The following NOTCH2 variants were observed in gnomAD, a reference collection of about 807,000 sequenced individuals.
NOTCH2 encodes the protein neurogenic locus notch homolog protein 2.
NOTCH2 carries 29 observed loss-of-function variants against 235.8 expected under a neutral mutation model. That is an observed-to-expected ratio of 0.12 (90% CI 0.09 to 0.17). The LOEUF is 0.17. Ranked by LOEUF, NOTCH2 falls within the 10% of genes least tolerant of loss-of-function variation. NOTCH2 has a pLI of 1.00. For missense variants in NOTCH2, 2,285 were observed against 3,150.2 expected, an observed-to-expected ratio of 0.73 and a Z score of 6.57; for synonymous variants, 1,086 against 1,141.5, an observed-to-expected ratio of 0.95 and a Z score of 0.98.
At chr1:120,063,385 G>A (rs1260413737) in intron 1 of NOTCH2, among the ~76,000 whole-genome samples, 4 of 151,234 alleles carry the variant, frequency 2.6e-5, no homozygotes, top group Non-Finnish European at 4.4e-5. Flanking sequence ...CATTTGCAAC[G>A]GCTGAGGACA....
At position 119,919,459 on chromosome 1, in the gene NOTCH2, C is replaced by T. The variant is rs1557803720; in HGVS notation, c.5634G>A (p.Glu1878=). 1.9e-6 allele frequency: 3 copies of T among 1,613,844 alleles called. No homozygotes were observed. Among genetic ancestry groups the T allele is most frequent in the Non-Finnish European group, 2.5e-6 (3 of 1,180,040 alleles). ...AGCGGGCTGCAAGGTGCAGGGCCAT[C>T]TCACCAGTCCGGTCTGTCTGGGCCT... The part of the protein sequence containing the change: ...SLQAQTDRTG[E]MALHLAARYS... The change falls in exon 31 of 34, where the codon GAG becomes GAA. Residue 1878 remains glutamate (E), a synonymous_variant. Transcript: ENST00000256646.
At chr1:120,023,424 G>A (rs1357986647) in intron 2 of NOTCH2, among the ~76,000 whole-genome samples, 7 of 147,596 alleles carry the variant, frequency 4.7e-5, no homozygotes, top group Non-Finnish European at 8.9e-5. Context: ...GCCACAGAGC[G>A]AGACTCTGTC....
At position 119,918,811 on chromosome 1, in the gene NOTCH2, G is replaced by T. The variant is rs888844996; in HGVS notation, c.5782-258C>A. Among the ~76,000 whole-genome samples the T allele has an allele frequency of 2.6e-5, 4 of 152,218 alleles. No individual in the cohort carries two copies. The East Asian group carries it at 5.8e-4, about 22-fold the overall frequency. On this transcript the variant is annotated intron_variant, in intron 31 of 33. Coordinates refer to ENST00000256646, the MANE Select transcript of NOTCH2 (RefSeq NM_024408.4). ...TTCTACTTTCTCAGGAAAGAAGAGG[G>T]ATGTGGGGAAATATCACAACTTCAG...
At chr1:119,941,062 C>G (rs1415908529) in intron 18 of NOTCH2, among the ~76,000 whole-genome samples, 1 of 152,170 alleles carries the variant, frequency 6.6e-6, no homozygotes, top group Non-Finnish European at 1.5e-5. Flanking sequence ...CATTTTATCT[C>G]TAAGTCAATT....
At chr1:119,958,355 T>C (rs1454016390) in intron 12 of NOTCH2, among the ~76,000 whole-genome samples, 6 of 152,196 alleles carry the variant, frequency 3.9e-5, no homozygotes, top group African/African-American at 1.4e-4. Flanking sequence ...TCATACCAAA[T>C]AGGAGAAATT....
intron 21 of NOTCH2, among the ~76,000 whole-genome samples, chr1:119,936,254 G>A (rs183157518): frequency 1.3e-5 from 2 of 152,288 alleles, no homozygotes; most frequent in Non-Finnish European, 2.9e-5. Flanking sequence ...AGGTGAGTAA[G>A]GGGAAGACAG....
At position 119,916,589 on chromosome 1, in the gene NOTCH2, G is replaced by C. The variant is rs2101145008; in HGVS notation, c.6133C>G (p.Leu2045Val). 6.2e-7 allele frequency: 1 copy of C among 1,614,186 alleles called. No homozygotes were observed. Among genetic ancestry groups the C allele is most frequent in the Non-Finnish European group, 8.5e-7 (1 of 1,180,044 alleles). ...CGATCCCGAGCCACATCCCGGGGAA[G>C]ACGATCCATATGGTCTGTGATGTCT... Reference protein sequence around the residue: ...NRDITDHMDRLPRDVARDRMH... With the variant: ...NRDITDHMDRVPRDVARDRMH... The change falls in exon 34 of 34, where the codon CTT becomes GTT. Residue 2045 changes from leucine (L) to valine (V), a missense_variant. Physicochemically the swap from Leu to Val is conservative, Grantham distance 32. This residue lies in a region of NOTCH2 where 128 missense variants were observed against 255.9 expected (regional missense o/e 0.50). Coordinates refer to ENST00000256646, the MANE Select transcript of NOTCH2 (RefSeq NM_024408.4).
At position 119,916,610 on chromosome 1, in the gene NOTCH2, T is replaced by C; in HGVS notation, c.6112A>G (p.Ile2038Val). The part of the protein sequence containing the change: ...ILLDHFANRD[I>V]TDHMDRLPRD... ...GGAAGACGATCCATATGGTCTGTGA[T>C]GTCTCGATTGGCAAAATGGTCTAAC... The change falls in exon 34 of 34, where the codon ATC becomes GTC. Residue 2038 changes from isoleucine to valine, a missense_variant. Coordinates refer to ENST00000256646, the MANE Select transcript of NOTCH2 (RefSeq NM_024408.4). 3.7e-6 allele frequency: 6 copies of C among 1,614,206 alleles called. No individual in the cohort carries two copies. Among genetic ancestry groups the C allele is most frequent in the Non-Finnish European group, 5.1e-6 (6 of 1,180,034 alleles).
intron 33 of NOTCH2, 38 bp downstream of exon 33, chr1:119,917,627 C>T (rs994953225): frequency 1.5e-6 from 2 of 1,310,120 alleles, no homozygotes; most frequent in African/African-American, 2.9e-5. Context: ...TGAGGCACTG[C>T]TATGAGCCTC....
At chr1:120,027,817 T>C (rs1553210229) in intron 2 of NOTCH2, among the ~76,000 whole-genome samples, 1 of 148,848 alleles carries the variant, frequency 6.7e-6, no homozygotes, top group Non-Finnish European at 1.5e-5. Flanking sequence ...CATTCTTTTT[T>C]ATGGCTGTAT....
intron 25 of NOTCH2, 50 bp from the exon 26 acceptor site, chr1:119,924,034 A>C (rs1649378231): frequency 2.0e-6 from 3 of 1,466,002 alleles, no homozygotes; most frequent in Non-Finnish European, 2.8e-6. Flanking sequence ...ATTAGACTGG[A>C]GCTCTATTTG....
In NOTCH2 at chr1:119,967,936, T is replaced by C. The variant is rs1390907525; in HGVS notation, c.1264+141A>G. 10 of 925,846 alleles carry C rather than the reference T, an allele frequency of 1.1e-5. No individual in the cohort carries two copies. In the African/African-American group the frequency reaches 1.1e-4, roughly 11 times the overall value. 57.4% of individuals were successfully genotyped at this position (925,846 alleles called of 1,614,324 possible). On this transcript the variant is annotated intron_variant, in intron 7 of 33. Coordinates refer to ENST00000256646, the MANE Select transcript of NOTCH2 (RefSeq NM_024408.4). ...GGTTATGGCTATGCTGAAAGGTCAC[T>C]TGTAAACACTGGCCATGTAGCAAGA...
rs1019844241 is a variant in NOTCH2, at chr1:119,937,562, C to T, written c.3338-96G>A. 2.2e-5 allele frequency: 26 copies of T among 1,170,454 alleles called. No homozygotes were observed. In the East Asian group the frequency reaches 5.6e-4, roughly 25 times the overall value. 72.5% of individuals were successfully genotyped at this position (1,170,454 alleles called of 1,614,324 possible). ...GCAAGTAAATCTAAACTGGCTGACA[C>T]ATCCAATCTTATTCTTAGCCAGTTC... On this transcript the variant is annotated intron_variant, in intron 20 of 33. Coordinates refer to ENST00000256646, the MANE Select transcript of NOTCH2 (RefSeq NM_024408.4).
At chr1:120,028,617 A>G (rs868924572) in intron 2 of NOTCH2, among the ~76,000 whole-genome samples, 1,726 of 140,796 alleles carry the variant, frequency 0.012, 19 homozygotes, top group African/African-American at 0.032. Context: ...ACTTGAAAAA[A>G]AAAATCTTGT....
chr1:119,945,358 T>C (rs1019603509), intron 17 of NOTCH2, among the ~76,000 whole-genome samples: 1 of 152,060 alleles, frequency 6.6e-6, no homozygotes, highest in South Asian at 2.1e-4. Context: ...AACAGCAAGA[T>C]GGCATATTTT....
chr1:119,941,481 C>G (rs782499865), intron 18 of NOTCH2, 45 bp downstream of exon 18: 3 of 1,392,814 alleles, frequency 2.2e-6, no homozygotes, highest in Non-Finnish European at 3.1e-6. Context: ...TCCCTTTCTC[C>G]CTTTCTCTCG....
At chr1:119,968,467 CCAGGA>C (rs1553199982) in intron 6 of NOTCH2, among the ~76,000 whole-genome samples, 1 of 152,132 alleles carries the variant, frequency 6.6e-6, no homozygotes, top group Non-Finnish European at 1.5e-5. Flanking sequence ...GACCTCTCCT[CCAGGA>C]CAGAGACATC....
intron 23 of NOTCH2, among the ~76,000 whole-genome samples, chr1:119,928,524 G>T (rs754458173): frequency 2.2e-4 from 34 of 152,090 alleles, no homozygotes; most frequent in Non-Finnish European, 4.9e-4. Flanking sequence ...AAAACAAAAT[G>T]TTATTTTGTT....
At chr1:119,965,071 T>C (rs1651085226) in intron 10 of NOTCH2, among the ~76,000 whole-genome samples, 1 of 152,086 alleles carries the variant, frequency 6.6e-6, no homozygotes, top group Non-Finnish European at 1.5e-5. Flanking sequence ...TTCTGGGCCT[T>C]CTTTCAGTCA....
Sources: allele counts gnomAD v4.1 joint callset (sites outside exome capture counted in the v4.1 genomes callset), GRCh38; gene constraint gnomAD v4.1.1; regional missense constraint gnomAD v4.1.1; transcripts MANE v1.5; gene names NCBI Gene and HGNC (gene_info 2026-07-23, HGNC 2026-07-21).